NPAS3: variants seen among roughly 807,000 people sequenced by gnomAD.
NPAS3 encodes neuronal PAS domain protein 3, also known as neuronal PAS domain-containing protein 3.
NPAS3 carries 14 observed loss-of-function variants against 73.1 expected under a neutral mutation model. That is an observed-to-expected ratio of 0.19 (90% CI 0.13 to 0.30). The LOEUF (loss-of-function observed/expected upper bound fraction) is 0.30, where lower values mean the gene tolerates loss of function less well. Ranked by LOEUF, NPAS3 falls within the 10% of genes least tolerant of loss-of-function variation. NPAS3 has a pLI of 1.00. For missense variants in NPAS3, 1,096 were observed against 1,250.0 expected, an observed-to-expected ratio of 0.88 and a Z score of 1.86; for synonymous variants, 620 against 541.5, an observed-to-expected ratio of 1.14 and a Z score of -2.01.
intron 2 of NPAS3, among the ~76,000 whole-genome samples, chr14:33,150,667 TTTC>T (rs139984954): frequency 0.17 from 25,449 of 152,066 alleles, 2,340 homozygotes; most frequent in East Asian, 0.21. Context: ...CCTCCCCATA[TTTC>T]TTCTGTATTC....
At chr14:33,463,027 A>T (rs1432962634) in intron 4 of NPAS3, among the ~76,000 whole-genome samples, 1 of 152,172 alleles carries the variant, frequency 6.6e-6, no homozygotes, top group Non-Finnish European at 1.5e-5. Context: ...TTATCTTTTT[A>T]TATTTCTTAT....
Position 32,952,777 on chromosome 14 carries a change from G to T in NPAS3, c.50+13411G>T, listed in dbSNP as rs140851048. On this transcript the variant is annotated intron_variant, in intron 1 of 11. Transcript: ENST00000356141. Reference sequence around the variant, plus strand: ...AATTTAGAATTGAGTGATACGTAGTGTCAACCAAAATTGGAAATACCTGTG... The same window carrying T: ...AATTTAGAATTGAGTGATACGTAGTTTCAACCAAAATTGGAAATACCTGTG... Among the ~76,000 whole-genome samples, 171 of 152,174 alleles carry T rather than the reference G, an allele frequency of 1.1e-3. No individual in the cohort carries two copies. The East Asian group carries it at 0.015, about 13-fold the overall frequency.
intron 2 of NPAS3, among the ~76,000 whole-genome samples, chr14:33,086,383 T>G (rs1283818357): frequency 6.6e-6 from 1 of 152,128 alleles, no homozygotes; most frequent in Non-Finnish European, 1.5e-5. Context: ...TTTTAAAAGT[T>G]TATTTATATA....
chr14:33,471,233 A>G (rs2050767048), intron 4 of NPAS3, among the ~76,000 whole-genome samples: 1 of 152,184 alleles, frequency 6.6e-6, no homozygotes, highest in Non-Finnish European at 1.5e-5. Context: ...TCCATTTTTC[A>G]AATTGGGACC....
At chr14:33,600,639 A>G (rs747083993) in intron 5 of NPAS3, among the ~76,000 whole-genome samples, 4 of 152,248 alleles carry the variant, frequency 2.6e-5, no homozygotes, top group Non-Finnish European at 5.9e-5. Context: ...TTATAAAATA[A>G]TTACTGGCTA....
chr14:33,800,096 C>T lies in NPAS3; in HGVS notation c.1789C>T (p.His597Tyr), dbSNP rs1219157843. 6.3e-7 allele frequency: 1 copy of T among 1,590,000 alleles called. No homozygotes were observed. The highest frequency in any genetic ancestry group is 1.3e-5 in the African/African-American group (1 of 74,842). Residue 597 changes from histidine to tyrosine, a missense_variant, in exon 12 of 12, where the codon CAC becomes TAC. Transcript: ENST00000356141. This position sits in a 1 kb window ranked among gnomAD's most constrained non-coding sequence, Gnocchi z 6.5. The stretch of plus-strand genomic sequence containing the variant: ...GGCGGGCGCGCAGGCCTCCAGCAAG[C>T]ACCAGAAGCGCAAGAAAAGGCGGAA...
chr14:33,684,810 A>C (rs1566422450), intron 6 of NPAS3, among the ~76,000 whole-genome samples: 4 of 152,138 alleles, frequency 2.6e-5, no homozygotes. Context: ...CAGTTTCTCC[A>C]GGCTCCTTCC....
chr14:33,699,314 T>A (rs1177907958), intron 6 of NPAS3, among the ~76,000 whole-genome samples: 1 of 152,240 alleles, frequency 6.6e-6, no homozygotes, highest in Non-Finnish European at 1.5e-5. Flanking sequence ...ATTATATTTT[T>A]ATATCACGGT....
At chr14:33,452,933 T>G (rs573898497) in intron 4 of NPAS3, among the ~76,000 whole-genome samples, 207 of 152,308 alleles carry the variant, frequency 1.4e-3, no homozygotes, top group Middle Eastern at 3.4e-3. Context: ...TATGCTTGGG[T>G]AAGCATGGTT....
chr14:33,371,293 C>A (rs1566841126), intron 4 of NPAS3, among the ~76,000 whole-genome samples: 1 of 151,706 alleles, frequency 6.6e-6, no homozygotes, highest in African/African-American at 2.4e-5. Context: ...AGAATACAGA[C>A]CTAAAGAGTG....
chr14:33,201,115 T>C (rs1390978551), intron 2 of NPAS3, among the ~76,000 whole-genome samples: 1 of 151,948 alleles, frequency 6.6e-6, no homozygotes, highest in East Asian at 1.9e-4. Context: ...TAGAAGAAAA[T>C]GAGAGAGAAA....
intron 3 of NPAS3, among the ~76,000 whole-genome samples, chr14:33,308,635 T>C (rs951340753): frequency 4.6e-5 from 7 of 151,312 alleles, no homozygotes; most frequent in Non-Finnish European, 4.4e-5. Context: ...TTCAGGGATA[T>C]ATATTTTATT....
intron 4 of NPAS3, among the ~76,000 whole-genome samples, chr14:33,458,745 A>C (rs77716334): frequency 0.031 from 4,648 of 152,292 alleles, 219 homozygotes; most frequent in African/African-American, 0.1. Context: ...CCAATTCAAT[A>C]ATAATCAGTA....
intron 1 of NPAS3, among the ~76,000 whole-genome samples, chr14:32,974,843 A>T (rs8018459): frequency 0.33 from 49,966 of 152,070 alleles, 9,836 homozygotes; most frequent in Middle Eastern, 0.52. Flanking sequence ...TTATCATGGT[A>T]GCATCCAGAC....
At chr14:33,627,418 T>G (rs571582705) in intron 5 of NPAS3, among the ~76,000 whole-genome samples, 4 of 152,290 alleles carry the variant, frequency 2.6e-5, no homozygotes, top group African/African-American at 9.6e-5. Flanking sequence ...TGTATCGGGA[T>G]GCACCTAACT....
chr14:33,157,158 C>G (rs967866150), intron 2 of NPAS3, among the ~76,000 whole-genome samples: 1 of 152,162 alleles, frequency 6.6e-6, no homozygotes, highest in Non-Finnish European at 1.5e-5. Context: ...CTGCACTTTT[C>G]TATGGGGAAA....
Position 33,412,514 on chromosome 14 carries a change from A to G in NPAS3, c.468+45246A>G, listed in dbSNP as rs76886957. Among the ~76,000 whole-genome samples the G allele has an allele frequency of 4.4e-3, 665 of 152,264 alleles. 3 individuals are homozygous for G. Among genetic ancestry groups the G allele is most frequent in the African/African-American group, 0.016 (645 of 41,548 alleles). ...CATCTGCAATATTCCCTTTGACCCA[A>G]TTCCAAGGAATGATCCAAATGGTTG... On this transcript the variant is annotated intron_variant, in intron 4 of 11. Coordinates refer to ENST00000356141, the Ensembl canonical transcript of NPAS3.
intron 3 of NPAS3, among the ~76,000 whole-genome samples, chr14:33,351,566 C>T (rs1464982183): frequency 6.6e-6 from 1 of 152,214 alleles, no homozygotes; most frequent in Non-Finnish European, 1.5e-5. Context: ...TCTAGAGACA[C>T]ATGCACACAT....
At chr14:33,485,686 C>T (rs1321238550) in intron 4 of NPAS3, among the ~76,000 whole-genome samples, 1 of 152,086 alleles carries the variant, frequency 6.6e-6, no homozygotes, top group Admixed American at 6.5e-5. Flanking sequence ...TTTCTACGTA[C>T]TATATATTTT....
Sources: allele counts gnomAD v4.1 joint callset (sites outside exome capture counted in the v4.1 genomes callset), GRCh38; gene constraint gnomAD v4.1.1; non-coding constraint Gnocchi (gnomAD v3.1); transcripts MANE v1.5; gene names NCBI Gene and HGNC (gene_info 2026-07-23, HGNC 2026-07-21).